Variants in TTC6 observed in about 807,000 individuals in gnomAD.
TTC6 encodes the protein tetratricopeptide repeat protein 6.
In TTC6, 172 loss-of-function variants were observed where a neutral mutation model predicts 210.4. The ratio of observed to expected loss-of-function variants is 0.82; its 90% CI spans 0.72 to 0.93. The LOEUF is 0.93. Among genes scored for constraint, TTC6 ranks in the 40% least tolerant of loss-of-function variants. The pLI is 0.00. For missense variants in TTC6, 2,414 were observed against 2,318.1 expected (o/e 1.04, Z -0.85); for synonymous variants, 804 against 819.6 (o/e 0.98, Z 0.32).
At chr14:37,669,290 G>A (rs2095754040) in intron 1 of TTC6, among the ~76,000 whole-genome samples, 1 of 152,208 alleles carries the variant, frequency 6.6e-6, no homozygotes, top group South Asian at 2.1e-4. Flanking sequence ...GGGATGGGGA[G>A]TGAGGGAGCC....
intron 7 of TTC6, among the ~76,000 whole-genome samples, chr14:37,729,676 A>T (rs945418704): frequency 2.6e-5 from 4 of 152,200 alleles, no homozygotes; most frequent in Middle Eastern, 3.4e-3. Context: ...AGAGATGTCA[A>T]ATCTGCATAA....
intron 2 of TTC6, among the ~76,000 whole-genome samples, chr14:37,613,314 T>A (rs1281366931): frequency 6.6e-6 from 1 of 152,140 alleles, no homozygotes; most frequent in Non-Finnish European, 1.5e-5. Flanking sequence ...CTTAAATCAA[T>A]TTTTCAACCC....
intron 5 of TTC6, among the ~76,000 whole-genome samples, chr14:37,713,529 T>C (rs2095847928): frequency 6.6e-6 from 1 of 152,166 alleles, no homozygotes; most frequent in Non-Finnish European, 1.5e-5. Flanking sequence ...TGAACCACCA[T>C]GCCTGGCCAA....
At chr14:37,691,048 G>T (rs143600494) in intron 3 of TTC6, among the ~76,000 whole-genome samples, 1 of 151,784 alleles carries the variant, frequency 6.6e-6, no homozygotes, top group Non-Finnish European at 1.5e-5. Context: ...GAGTAAAACC[G>T]GTCAGGTGTG....
intron 26 of TTC6, among the ~76,000 whole-genome samples, chr14:37,820,867 TTCCTCCTTCTCC>T (rs1438412439): frequency 2.0e-5 from 3 of 149,688 alleles, no homozygotes; most frequent in African/African-American, 7.4e-5. Context: ...CTTCTTCTTC[TTCCTCCTTCTCC>T]TCCTCCTTCT....
At chr14:37,721,597 T>A (rs2095861852) in intron 6 of TTC6, among the ~76,000 whole-genome samples, 1 of 151,986 alleles carries the variant, frequency 6.6e-6, no homozygotes, top group Non-Finnish European at 1.5e-5. Context: ...CATGGTTTGA[T>A]GTTTGTTTTC....
intron 2 of TTC6, among the ~76,000 whole-genome samples, chr14:37,608,232 G>A (rs111676717): frequency 5.9e-5 from 9 of 151,888 alleles, no homozygotes; most frequent in African/African-American, 1.9e-4. Context: ...TTCAACAATC[G>A]GTATTTTTAT....
exon 1 of TTC6, chr14:37,622,508 C>T: frequency 5.9e-6 from 9 of 1,535,246 alleles, no homozygotes; most frequent in Non-Finnish European, 6.1e-6. Context: ...CGGCCAGACC[C>T]GTGGTCCTGC....
In TTC6 at chr14:37,826,279, A is replaced by G. The variant is rs767637965; in HGVS notation, c.5059A>G (p.Arg1687Gly). Reference sequence around the variant, plus strand: ...AAAGAACTACCTAGCCTATGAAGGAAGAGCTGTGGTCTGTCTTCAGATGGG... The same window carrying G: ...AAAGAACTACCTAGCCTATGAAGGAGGAGCTGTGGTCTGTCTTCAGATGGG... The change falls in exon 28 of 31, where the codon AGA becomes GGA. Residue 1687 changes from arginine (R) to glycine (G), a missense_variant. By Grantham distance (125) the Arg-to-Gly change is moderately radical (BLOSUM62 -2). Coordinates refer to ENST00000553443, the Ensembl canonical transcript of TTC6. The G allele has an allele frequency of 3.1e-6, 5 of 1,612,414 alleles. No individual in the cohort carries two copies. The Admixed American group carries it at 8.3e-5, about 27-fold the overall frequency.
intron 1 of TTC6, among the ~76,000 whole-genome samples, chr14:37,675,797 CA>C (rs1171817748): frequency 6.6e-6 from 1 of 150,702 alleles, no homozygotes; most frequent in Non-Finnish European, 1.5e-5. Context: ...AGTGGTATCT[CA>C]CTGTGATTTT....
rs200190880 is a variant in TTC6 at position 37,824,196 on chromosome 14, G to T, written c.4974+239G>T. On this transcript the variant is annotated intron_variant, in intron 27 of 30. Coordinates refer to ENST00000553443, the Ensembl canonical transcript of TTC6. Reference sequence around the variant, plus strand: ...GGTTAGATGAAAGTCTTTTGAACCTGAGCTTCCTTTATGTCTGCACCCCTC... The same window carrying T: ...GGTTAGATGAAAGTCTTTTGAACCTTAGCTTCCTTTATGTCTGCACCCCTC... 3.3e-5 allele frequency among the ~76,000 whole-genome samples: 5 copies of T among 152,186 alleles called. No homozygotes were observed. In the East Asian group the frequency reaches 7.7e-4, roughly 24 times the overall value.
At chr14:37,663,096 G>C (rs563113947) in intron 1 of TTC6, among the ~76,000 whole-genome samples, 1 of 152,156 alleles carries the variant, frequency 6.6e-6, no homozygotes, top group African/African-American at 2.4e-5. Flanking sequence ...TCATTGTAGA[G>C]CTCTTTCACC....
chr14:37,804,697 T>C, exon 21 of TTC6: 1 of 1,613,854 alleles, frequency 6.2e-7, no homozygotes, highest in Non-Finnish European at 8.5e-7. Context: ...TGGAAGTGCT[T>C]AAGAAGGCTT....
chr14:37,789,836 G>C (rs935925500), intron 15 of TTC6, among the ~76,000 whole-genome samples: 36 of 151,970 alleles, frequency 2.4e-4, no homozygotes, highest in African/African-American at 8.4e-4. Flanking sequence ...ACTGGCTATA[G>C]TTCCCTAAAT....
intron 2 of TTC6, among the ~76,000 whole-genome samples, chr14:37,615,958 G>T (rs1323343386): frequency 6.6e-6 from 1 of 152,164 alleles, no homozygotes; most frequent in Non-Finnish European, 1.5e-5. Context: ...ACTATATCCT[G>T]GACATTGTGA....
chr14:37,648,549 G>A (rs1333650453), intron 1 of TTC6, among the ~76,000 whole-genome samples: 1 of 151,972 alleles, frequency 6.6e-6, no homozygotes, highest in Non-Finnish European at 1.5e-5. Flanking sequence ...TTGGTATCAA[G>A]ATTGTACTAT....
chr14:37,667,094 G>T (rs1467094022), intron 1 of TTC6, among the ~76,000 whole-genome samples: 3 of 147,924 alleles, frequency 2.0e-5, no homozygotes. Context: ...GTTTTCTTTT[G>T]ATTTTAAAAT....
At chr14:37,842,242 C>G in exon 31 of TTC6, 1 of 1,608,974 alleles carries the variant, frequency 6.2e-7, no homozygotes, top group Non-Finnish European at 8.5e-7. Flanking sequence ...GAAGCTATGG[C>G]TGACTATAAC....
At chr14:37,676,152 G>A (rs958074318) in intron 1 of TTC6, among the ~76,000 whole-genome samples, 2 of 152,012 alleles carry the variant, frequency 1.3e-5, no homozygotes, top group African/African-American at 4.8e-5. Context: ...TCTTGTATGG[G>A]AAATGCTTAA....
Sources: gnomAD v4.1 joint callset for allele counts (sites outside exome capture counted in the v4.1 genomes callset) on GRCh38, gnomAD v4.1.1 for gene constraint, MANE v1.5 for transcripts, NCBI Gene and HGNC (gene_info 2026-07-23, HGNC 2026-07-21) for gene names.